The following PIKFYVE variants were observed in gnomAD, a reference collection of about 807,000 sequenced individuals.
PIKFYVE encodes the protein 1-phosphatidylinositol 3-phosphate 5-kinase.
A neutral mutation model predicts 257.9 loss-of-function variants in PIKFYVE; 122 were observed. The ratio of observed to expected loss-of-function variants is 0.47; its 90% CI spans 0.41 to 0.55. The LOEUF (loss-of-function observed/expected upper bound fraction) is 0.55, where lower values mean the gene tolerates loss of function less well. Among genes scored for constraint, PIKFYVE ranks in the 20% least tolerant of loss-of-function variants. PIKFYVE has a pLI of 0.00. For synonymous variants in PIKFYVE, 892 were observed against 868.9 expected, an observed-to-expected ratio of 1.03 and a Z score of -0.47; for missense variants, 2,160 against 2,536.6, an observed-to-expected ratio of 0.85 and a Z score of 3.19.
intron 8 of PIKFYVE, 52 bp downstream of exon 8, chr2:208,298,831 TCA>T: frequency 6.2e-7 from 1 of 1,606,754 alleles, no homozygotes; most frequent in Non-Finnish European, 8.5e-7. Context: ...TAGAGAATGT[TCA>T]TGTGACTGAG....
intron 23 of PIKFYVE, among the ~76,000 whole-genome samples, chr2:208,332,465 A>T (rs1343721576): frequency 6.6e-6 from 1 of 152,182 alleles, no homozygotes; most frequent in Non-Finnish European, 1.5e-5. Context: ...CACCTTTATT[A>T]ATTTATCCCA....
At chr2:208,334,755 T>A (rs944463510) in intron 24 of PIKFYVE, among the ~76,000 whole-genome samples, 3 of 152,222 alleles carry the variant, frequency 2.0e-5, no homozygotes, top group Non-Finnish European at 4.4e-5. Flanking sequence ...GAATTGTTAG[T>A]GTTATATCCT....
chr2:208,338,414 T>C, intron 28 of PIKFYVE, 94 bp from the exon 29 acceptor site: 1 of 1,164,226 alleles, frequency 8.6e-7, no homozygotes, highest in Non-Finnish European at 1.3e-6. Context: ...AAATGGGTCC[T>C]GAGACCAAAA....
At chr2:208,350,150 G>A in intron 36 of PIKFYVE, 67 bp downstream of exon 36, 2 of 1,593,072 alleles carry the variant, frequency 1.3e-6, no homozygotes, top group Non-Finnish European at 1.7e-6. Context: ...TCTATTATTT[G>A]AGAATTCTAG....
At chr2:208,319,133 T>C (rs2125511827) in intron 16 of PIKFYVE, among the ~76,000 whole-genome samples, 1 of 152,268 alleles carries the variant, frequency 6.6e-6, no homozygotes, top group African/African-American at 2.4e-5. Context: ...ACTGATTTTG[T>C]TACAGCAAGA....
chr2:208,336,586 TTATTTTTTAGAAG>T (rs1214031425), intron 27 of PIKFYVE, among the ~76,000 whole-genome samples: 2 of 152,096 alleles, frequency 1.3e-5, no homozygotes. Flanking sequence ...ATTTAAACAT[TTATTTTTTAGAAG>T]TATTTTTCTT....
At chr2:208,323,508 CATT>C (rs1236466870) in intron 17 of PIKFYVE, among the ~76,000 whole-genome samples, 9 of 152,154 alleles carry the variant, frequency 5.9e-5, no homozygotes, top group African/African-American at 2.2e-4. Flanking sequence ...TCCAGTCTAT[CATT>C]GTTGGACATT....
chr2:208,296,838 A>G (rs1693054359), intron 7 of PIKFYVE, among the ~76,000 whole-genome samples: 1 of 152,142 alleles, frequency 6.6e-6, no homozygotes, highest in African/African-American at 2.4e-5. Context: ...TGACTATTGG[A>G]TTTAACAACA....
intron 24 of PIKFYVE, among the ~76,000 whole-genome samples, chr2:208,333,882 A>C (rs182961122): frequency 3.4e-3 from 519 of 152,228 alleles, no homozygotes; most frequent in African/African-American, 0.012. Flanking sequence ...TGCTCAAGTG[A>C]TTCTCCTGCC....
intron 7 of PIKFYVE, among the ~76,000 whole-genome samples, chr2:208,297,494 T>C (rs1362146779): frequency 6.6e-6 from 1 of 152,192 alleles, no homozygotes; most frequent in African/African-American, 2.4e-5. Context: ...ATCTTTATAC[T>C]GGGGAAATAT....
intron 30 of PIKFYVE, 110 bp from the exon 31 acceptor site, chr2:208,339,901 G>GTA: frequency 8.0e-7 from 1 of 1,254,954 alleles, no homozygotes; most frequent in South Asian, 1.3e-5. Flanking sequence ...ACTGTTATTG[G>GTA]TATAGTATAC....
At chr2:208,266,876 C>T (rs1459484881) in intron 1 of PIKFYVE, among the ~76,000 whole-genome samples, 3 of 152,184 alleles carry the variant, frequency 2.0e-5, no homozygotes, top group Non-Finnish European at 4.4e-5. Flanking sequence ...TAAATGCTTG[C>T]CTCTGCTATT....
intron 7 of PIKFYVE, among the ~76,000 whole-genome samples, chr2:208,294,109 C>CT (rs954941997): frequency 6.6e-6 from 1 of 151,998 alleles, no homozygotes; most frequent in Non-Finnish European, 1.5e-5. Context: ...TTTGTTCAGT[C>CT]TTTTTTCTAT....
intron 5 of PIKFYVE, among the ~76,000 whole-genome samples, chr2:208,283,914 G>C (rs4675746): frequency 6.6e-6 from 1 of 152,326 alleles, no homozygotes; most frequent in African/African-American, 2.4e-5. Flanking sequence ...ACTGAGTACT[G>C]TGTAATAGTA....
chr2:208,273,535 T>C (rs1385018071), intron 2 of PIKFYVE, 49 bp from the exon 3 acceptor site: 2 of 1,611,482 alleles, frequency 1.2e-6, no homozygotes, highest in Non-Finnish European at 8.5e-7. Flanking sequence ...TTCCTTCTCA[T>C]TGCTGAACTC....
chr2:208,322,084 A>G (rs896270146), intron 17 of PIKFYVE, among the ~76,000 whole-genome samples: 2 of 152,174 alleles, frequency 1.3e-5, no homozygotes, highest in African/African-American at 4.8e-5. Flanking sequence ...ATTCATAACC[A>G]TACTAAAACA....
At chr2:208,312,122 T>G in intron 12 of PIKFYVE, 114 bp from the exon 13 acceptor site, 4 of 809,652 alleles carry the variant, frequency 4.9e-6, no homozygotes, top group Non-Finnish European at 8.4e-6. Context: ...AGTGATGGGT[T>G]TAGTATGAGT....
intron 12 of PIKFYVE, chr2:208,305,498 C>G: frequency 1.1e-6 from 1 of 880,630 alleles, no homozygotes. Context: ...ATTCATAATG[C>G]TTATTATGTA....
intron 28 of PIKFYVE, 31 bp from the exon 29 acceptor site, chr2:208,338,476 TC>T: frequency 6.2e-7 from 1 of 1,602,986 alleles, no homozygotes; most frequent in Non-Finnish European, 8.5e-7. Context: ...TTTCATGTTT[TC>T]CATAAGAACA....
Sources: allele counts gnomAD v4.1 joint callset (sites outside exome capture counted in the v4.1 genomes callset), GRCh38; gene constraint gnomAD v4.1.1; transcripts MANE v1.5; gene names NCBI Gene and HGNC (gene_info 2026-07-23, HGNC 2026-07-21).